Variants in SLC31A1 observed in about 807,000 individuals in gnomAD.
The protein encoded by SLC31A1 is high affinity copper uptake protein 1.
In SLC31A1, 5 loss-of-function variants were observed where a neutral mutation model predicts 17.2. The observed-to-expected ratio is 0.29, with a 90% confidence interval of 0.15 to 0.61. SLC31A1 has a LOEUF of 0.61. SLC31A1 is among the 20% of genes least tolerant of loss of function. The probability of loss-of-function intolerance (pLI) is 0.86; values close to 1 mark genes in which losing one functional copy is unlikely to be tolerated. For synonymous variants in SLC31A1, 76 were observed against 78.8 expected, an observed-to-expected ratio of 0.96 and a Z score of 0.19; for missense variants, 161 against 241.4, an observed-to-expected ratio of 0.67 and a Z score of 2.21.
In SLC31A1 at chr9:113,227,054, T is replaced by A. The variant is rs148378136; in HGVS notation, c.-36+5376T>A. The stretch of plus-strand genomic sequence containing the variant: ...CAGAATGGGTTTCTTATGGTTAGAG[T>A]TTCATCATGGTACCTTCATTCGATA... On this transcript the variant is annotated intron_variant, in intron 1 of 4. Transcript: ENST00000374212. 8.1e-3 allele frequency among the ~76,000 whole-genome samples: 1,239 copies of A among 152,126 alleles called. 19 individuals carry two copies. The highest frequency in any genetic ancestry group is 0.028 in the African/African-American group (1,178 of 41,482).
At chr9:113,250,405 A>G (rs975927147) in intron 1 of SLC31A1, among the ~76,000 whole-genome samples, 9 of 150,364 alleles carry the variant, frequency 6.0e-5, no homozygotes, top group African/African-American at 2.2e-4. Flanking sequence ...GGAAATCATC[A>G]TTCTCAGTAA....
At chr9:113,259,569 TTC>T (rs1259363703) in intron 4 of SLC31A1, among the ~76,000 whole-genome samples, 5 of 147,958 alleles carry the variant, frequency 3.4e-5, no homozygotes, top group African/African-American at 1.2e-4. Flanking sequence ...CTATTTTTTT[TTC>T]TTTTTTTCTT....
intron 1 of SLC31A1, among the ~76,000 whole-genome samples, chr9:113,223,620 T>C (rs950941633): frequency 6.6e-6 from 1 of 152,206 alleles, no homozygotes; most frequent in African/African-American, 2.4e-5. Context: ...ACTCATAAAA[T>C]ATATTGTCAA....
At chr9:113,252,381 C>T (rs982588097) in intron 1 of SLC31A1, among the ~76,000 whole-genome samples, 5 of 152,122 alleles carry the variant, frequency 3.3e-5, no homozygotes, top group African/African-American at 4.8e-5. Context: ...CTGCAACCTC[C>T]GCCTCCCGGG....
chr9:113,242,981 G>A (rs191575125), intron 1 of SLC31A1, among the ~76,000 whole-genome samples: 22 of 151,828 alleles, frequency 1.4e-4, no homozygotes, highest in African/African-American at 2.4e-4. Flanking sequence ...TAAATTTGGC[G>A]AGAAAATGTA....
chr9:113,230,271 T>C (rs1416346195), intron 1 of SLC31A1, among the ~76,000 whole-genome samples: 1 of 152,262 alleles, frequency 6.6e-6, no homozygotes, highest in Non-Finnish European at 1.5e-5. Flanking sequence ...TCGCCCAGGC[T>C]GGAGTGCGGT....
At chr9:113,256,391 G>A in intron 2 of SLC31A1, 114 bp downstream of exon 2, 3 of 1,233,506 alleles carry the variant, frequency 2.4e-6, no homozygotes, top group Non-Finnish European at 3.4e-6. Context: ...TACCAGTGAG[G>A]ATAACTAAAG....
chr9:113,228,290 A>T (rs1171247244), intron 1 of SLC31A1, among the ~76,000 whole-genome samples: 1 of 152,198 alleles, frequency 6.6e-6, no homozygotes, highest in African/African-American at 2.4e-5. Flanking sequence ...TCAAGGCTAC[A>T]AAAGGATCCT....
intron 1 of SLC31A1, among the ~76,000 whole-genome samples, chr9:113,241,985 C>A (rs774765155): frequency 6.6e-6 from 1 of 152,150 alleles, no homozygotes. Flanking sequence ...GTCAGGAGAT[C>A]GAGACCATCC....
chr9:113,260,057 G>C (rs1363279856), intron 4 of SLC31A1, among the ~76,000 whole-genome samples: 1 of 152,184 alleles, frequency 6.6e-6, no homozygotes, highest in African/African-American at 2.4e-5. Context: ...CCTTCTACTG[G>C]AGGAACCACA....
rs1831777546 is a variant in SLC31A1, at chr9:113,260,354, A to G, written c.454A>G (p.Ile152Val). 2.5e-6 allele frequency: 4 copies of G among 1,614,098 alleles called. No homozygotes were observed. Among genetic ancestry groups the G allele is most frequent in the Non-Finnish European group, 3.4e-6 (4 of 1,179,996 alleles). Residue 152 changes from isoleucine (I) to valine (V), a missense_variant, in exon 5 of 5, where the codon ATC (isoleucine) becomes GTC (valine). Physicochemically the swap from Ile to Val is conservative, Grantham distance 29. Transcript: ENST00000374212. ...GGTCATAAGCTACTTCCTCATGCTC[A>G]TCTTCATGACCTACAACGGGTACCT... ...QVVISYFLML[I>V]FMTYNGYLCI...
chr9:113,240,018 T>C (rs1435143985), intron 1 of SLC31A1, among the ~76,000 whole-genome samples: 1 of 152,226 alleles, frequency 6.6e-6, no homozygotes, highest in East Asian at 1.9e-4. Flanking sequence ...TTACCTTTCC[T>C]TCTACTAAAC....
intron 1 of SLC31A1, among the ~76,000 whole-genome samples, chr9:113,246,840 A>G (rs1831585211): frequency 6.6e-6 from 1 of 150,790 alleles, no homozygotes; most frequent in South Asian, 2.1e-4. Context: ...GGGTTTTGCC[A>G]TGTTGGCCAG....
intron 1 of SLC31A1, among the ~76,000 whole-genome samples, chr9:113,243,249 GTTGT>G (rs1215649639): frequency 1.3e-5 from 2 of 152,104 alleles, no homozygotes; most frequent in African/African-American, 4.8e-5. Flanking sequence ...TTTATATTTT[GTTGT>G]TTATGTAGTA....
chr9:113,263,466 CT>C lies in SLC31A1; in HGVS notation c.*2997del, dbSNP rs1473985724. 6.6e-6 allele frequency: 1 copy of C among 152,642 alleles called. No homozygotes were observed. The highest frequency in any genetic ancestry group is 1.5e-5 in the Non-Finnish European group (1 of 68,038). The allele number at this position is 152,642 out of a possible 1,614,324, so 9.5% of individuals were successfully genotyped here. The stretch of plus-strand genomic sequence containing the variant: ...TTGTTCATTTTGGATCTAAACTTCT[CT>C]TTTCTTCCTTCCCCATTCACATCTA... On this transcript the variant is annotated 3_prime_UTR_variant, in exon 5 of 5. Transcript: ENST00000374212.
intron 1 of SLC31A1, among the ~76,000 whole-genome samples, chr9:113,242,183 C>T (rs140470403): frequency 9.4e-4 from 143 of 151,410 alleles, no homozygotes; most frequent in African/African-American, 3.4e-3. Context: ...AGCGAGACTC[C>T]GTCTCAAAAA....
At chr9:113,246,846 G>A (rs147967627) in intron 1 of SLC31A1, among the ~76,000 whole-genome samples, 9,466 of 151,158 alleles carry the variant, frequency 0.063, 645 homozygotes, top group East Asian at 0.34. Context: ...TGCCATGTTG[G>A]CCAGGCTGGT....
At position 113,263,523 on chromosome 9, in the gene SLC31A1, C is replaced by A. The variant is rs1342443613; in HGVS notation, c.*3050C>A. On this transcript the variant is annotated 3_prime_UTR_variant, in exon 5 of 5. Coordinates refer to ENST00000374212, the MANE Select transcript of SLC31A1 (RefSeq NM_001859.4). The stretch of plus-strand genomic sequence containing the variant: ...AGACTGCATCACCATTTCTTTGGCC[C>A]CCTTACTCTGTTGTCCTTTCCCTTT... The A allele has an allele frequency of 2.0e-5, 3 of 152,574 alleles. No individual in the cohort carries two copies. The highest frequency in any genetic ancestry group is 7.2e-5 in the African/African-American group (3 of 41,408). 9.5% of individuals were successfully genotyped at this position (152,574 alleles called of 1,614,324 possible).
chr9:113,256,881 TAAAAGTTGATGGTGGGGGCCCAGGAG>T (rs1405270052), intron 2 of SLC31A1, among the ~76,000 whole-genome samples: 3 of 143,398 alleles, frequency 2.1e-5, no homozygotes, highest in Admixed American at 6.9e-5. Flanking sequence ...AAAAAAAAGA[TAAAAGTTGATGGTGGGGGCCCAGGAG>T]AAAAGTTGAT....
Sources: allele counts gnomAD v4.1 joint callset (sites outside exome capture counted in the v4.1 genomes callset), GRCh38; gene constraint gnomAD v4.1.1; transcripts MANE v1.5; gene names NCBI Gene and HGNC (gene_info 2026-07-23, HGNC 2026-07-21).